Variants in NSUN3 observed in about 807,000 individuals in gnomAD.
The protein encoded by NSUN3 is tRNA (cytosine(34)-C(5))-methyltransferase, mitochondrial.
Under a neutral mutation model 36.8 loss-of-function variants are expected in NSUN3, and 24 were observed. The observed-to-expected ratio is 0.65, with a 90% CI of 0.47 to 0.92. The LOEUF is 0.92. Among genes scored for constraint, NSUN3 ranks in the 40% least tolerant of loss-of-function variants. The pLI, the probability that NSUN3 is intolerant of heterozygous loss-of-function variation, is 0.00. For missense variants in NSUN3, 381 were observed against 392.8 expected (o/e 0.97, Z 0.25); for synonymous variants, 146 against 145.2 (o/e 1.01, Z -0.04).
intron 5 of NSUN3, among the ~76,000 whole-genome samples, chr3:94,110,256 AG>A (rs1191372720): frequency 7.4e-6 from 1 of 135,246 alleles, no homozygotes; most frequent in Non-Finnish European, 1.7e-5. Context: ...TTTCAGTGAT[AG>A]GAAGTTATCA....
Position 94,127,448 on chromosome 3 carries a change from G to A in NSUN3, c.*958G>A, listed in dbSNP as rs931576665. On this transcript the variant is annotated 3_prime_UTR_variant, in exon 6 of 6. Coordinates refer to ENST00000314622, the MANE Select transcript of NSUN3 (RefSeq NM_022072.5). ...TGCACAAGAGGGAGATGCCTAATGA[G>A]AGTGGACTGTGTGATTACCAGAACC... 6.6e-6 allele frequency: 1 copy of A among 152,156 alleles called. No individual in the cohort carries two copies. Among genetic ancestry groups the A allele is most frequent in the African/African-American group, 2.4e-5 (1 of 41,438 alleles). The allele number at this position is 152,156 out of a possible 1,614,324, so 9.4% of individuals were successfully genotyped here.
intron 5 of NSUN3, among the ~76,000 whole-genome samples, chr3:94,106,043 A>G (rs2077387472): frequency 6.6e-6 from 1 of 152,096 alleles, no homozygotes; most frequent in Non-Finnish European, 1.5e-5. Context: ...AGCAGTTTTA[A>G]TCCCTACTGT....
intron 5 of NSUN3, among the ~76,000 whole-genome samples, chr3:94,124,444 C>T (rs1285683657): frequency 1.8e-4 from 27 of 152,118 alleles, no homozygotes; most frequent in Admixed American, 1.8e-3. Flanking sequence ...TATTTAATCA[C>T]AGTTTTGGAT....
chr3:94,088,798 G>C (rs1273821423), intron 3 of NSUN3, among the ~76,000 whole-genome samples: 1 of 151,150 alleles, frequency 6.6e-6, no homozygotes, highest in Non-Finnish European at 1.5e-5. Context: ...TCAACCTCCC[G>C]AGTAGCTGGG....
chr3:94,080,674 CA>C (rs1474518452), intron 2 of NSUN3, among the ~76,000 whole-genome samples: 1 of 152,220 alleles, frequency 6.6e-6, no homozygotes, highest in Admixed American at 6.5e-5. Context: ...CCGCCCAGTT[CA>C]AACTTCCTGA....
rs550566215 is a variant in NSUN3 at position 94,131,590 on chromosome 3, G to T, written c.*5100G>T. Among the ~76,000 whole-genome samples, 8 of 152,138 alleles carry T rather than the reference G, an allele frequency of 5.3e-5. No homozygotes were observed. The highest frequency in any genetic ancestry group is 6.5e-5 in the Admixed American group (1 of 15,270). ...TGATACCCAGAAATCTCCAGTGGAGGGTATTCTCTGCCTTCCTTTTCTTTG... is the reference window on the plus strand; with the variant it reads ...TGATACCCAGAAATCTCCAGTGGAGTGTATTCTCTGCCTTCCTTTTCTTTG... On this transcript the variant is annotated 3_prime_UTR_variant, in exon 6 of 6. Transcript: ENST00000314622.
chr3:94,103,264 G>T (rs1483083661), intron 5 of NSUN3, among the ~76,000 whole-genome samples: 2 of 152,044 alleles, frequency 1.3e-5, no homozygotes, highest in Admixed American at 1.3e-4. Flanking sequence ...TTGTTCTCAA[G>T]GTCCTCAGGC....
rs1560044679 is a variant in NSUN3 at position 94,130,704 on chromosome 3, CA to C, written c.*4215del. Among the ~76,000 whole-genome samples the C allele has an allele frequency of 6.6e-6, 1 of 152,132 alleles. No homozygotes were observed. Among genetic ancestry groups the C allele is most frequent in the Non-Finnish European group, 1.5e-5 (1 of 68,020 alleles). The stretch of plus-strand genomic sequence containing the variant: ...TCTGGGGCTTCCACACTCTGGGTGT[CA>C]GGGGTACAGCTCACAGGCTTTCAGT... On this transcript the variant is annotated 3_prime_UTR_variant, in exon 6 of 6. Coordinates refer to ENST00000314622, the MANE Select transcript of NSUN3 (RefSeq NM_022072.5).
At chr3:94,116,216 C>T (rs1263491733) in intron 5 of NSUN3, among the ~76,000 whole-genome samples, 1 of 152,090 alleles carries the variant, frequency 6.6e-6, no homozygotes, top group Non-Finnish European at 1.5e-5. Context: ...CACATTCTCA[C>T]CTTGTTTTAA....
intron 2 of NSUN3, among the ~76,000 whole-genome samples, chr3:94,067,942 T>G (rs2077211727): frequency 6.6e-6 from 1 of 152,116 alleles, no homozygotes; most frequent in African/African-American, 2.4e-5. Context: ...AAGTCTGCAG[T>G]ATTATGTTTG....
chr3:94,073,435 C>A (rs975428496), intron 2 of NSUN3, among the ~76,000 whole-genome samples: 3 of 152,198 alleles, frequency 2.0e-5, no homozygotes, highest in Non-Finnish European at 2.9e-5. Context: ...TAAAAGTGTT[C>A]CTGTTTCTCC....
rs144010013 is a variant in NSUN3 at position 94,121,352 on chromosome 3, A to G, written c.744-4859A>G. Among the ~76,000 whole-genome samples the G allele has an allele frequency of 4.3e-3, 661 of 152,264 alleles. 5 individuals are homozygous for G. The highest frequency in any genetic ancestry group is 7.0e-3 in the Admixed American group (107 of 15,296). On this transcript the variant is annotated intron_variant, in intron 5 of 5. Coordinates refer to ENST00000314622, the MANE Select transcript of NSUN3 (RefSeq NM_022072.5). The stretch of plus-strand genomic sequence containing the variant: ...CACCAACTCTCTGCCTCCCTCTTTC[A>G]ATGATAAAGGACCTTTGTGATTACA...
At position 94,094,377 on chromosome 3, in the gene NSUN3, G is replaced by T. The variant is rs1576090837; in HGVS notation, c.621+83G>T. 14 of 1,363,640 alleles carry T rather than the reference G, an allele frequency of 1.0e-5. No homozygotes were observed. In the East Asian group the frequency reaches 3.1e-4, roughly 30 times the overall value. The allele number at this position is 1,363,640 out of a possible 1,614,324, so 84.5% of individuals were successfully genotyped here. ...GCTTTGTGGTTGTTATTTTCCATCT[G>T]TTCTCAGACATAGCCTGATACAGTT... On this transcript the variant is annotated intron_variant, in intron 4 of 5. Transcript: ENST00000314622.
intron 5 of NSUN3, among the ~76,000 whole-genome samples, chr3:94,111,288 A>G (rs974511819): frequency 6.6e-6 from 1 of 152,196 alleles, no homozygotes; most frequent in African/African-American, 2.4e-5. Context: ...TGGGTGAGTC[A>G]GTGAGTGAGT....
intron 5 of NSUN3, among the ~76,000 whole-genome samples, chr3:94,114,990 T>C (rs917735868): frequency 2.6e-4 from 39 of 152,250 alleles, no homozygotes; most frequent in African/African-American, 9.1e-4. Flanking sequence ...AAAGAAAGTG[T>C]AAGAATTTCC....
At chr3:94,074,604 T>C (rs2077239091) in intron 2 of NSUN3, among the ~76,000 whole-genome samples, 1 of 152,146 alleles carries the variant, frequency 6.6e-6, no homozygotes, top group South Asian at 2.1e-4. Context: ...GGCTGTCTGT[T>C]TGTCTGTTAT....
chr3:94,121,587 C>T (rs1257496571), intron 5 of NSUN3, among the ~76,000 whole-genome samples: 1 of 152,050 alleles, frequency 6.6e-6, no homozygotes, highest in Admixed American at 6.6e-5. Context: ...TAGATAGGAG[C>T]CTTTTTTGTT....
chr3:94,116,479 C>T (rs2077440771), intron 5 of NSUN3, among the ~76,000 whole-genome samples: 1 of 152,092 alleles, frequency 6.6e-6, no homozygotes, highest in African/African-American at 2.4e-5. Context: ...TCCAGTTTTC[C>T]TTAGAAAACT....
chr3:94,114,683 C>T lies in NSUN3; in HGVS notation c.744-11528C>T, dbSNP rs143463993. On this transcript the variant is annotated intron_variant, in intron 5 of 5. Transcript: ENST00000314622. ...GTTACACGGATGTGTTGCGTGATGCCGAGGTTTGGGATACGATTGATCCCA... is the reference window on the plus strand; with the variant it reads ...GTTACACGGATGTGTTGCGTGATGCTGAGGTTTGGGATACGATTGATCCCA... Among the ~76,000 whole-genome samples the T allele has an allele frequency of 3.1e-3, 474 of 152,138 alleles. 4 individuals are homozygous for T. Among genetic ancestry groups the T allele is most frequent in the African/African-American group, 0.011 (456 of 41,496 alleles).
Sources: allele counts gnomAD v4.1 joint callset (sites outside exome capture counted in the v4.1 genomes callset), GRCh38; gene constraint gnomAD v4.1.1; transcripts MANE v1.5; gene names NCBI Gene and HGNC (gene_info 2026-07-23, HGNC 2026-07-21).